The following PEX13 variants were observed in gnomAD, a reference collection of about 807,000 sequenced individuals.
PEX13 encodes the protein peroxisome biogenesis factor 13.
In PEX13, 28 loss-of-function variants were observed where a neutral mutation model predicts 34.5. The observed-to-expected ratio is 0.81, with a 90% CI of 0.60 to 1.11. PEX13 has a LOEUF of 1.11. PEX13 is among the 50% of genes most tolerant of loss of function. The pLI, the probability that PEX13 is intolerant of heterozygous loss-of-function variation, is 0.00. For missense variants in PEX13, 550 were observed against 491.0 expected (o/e 1.12, Z -1.13); for synonymous variants, 177 against 175.1 (o/e 1.01, Z -0.09).
chr2:61,030,840 A>T (rs1559034641), intron 1 of PEX13, among the ~76,000 whole-genome samples: 1 of 152,050 alleles, frequency 6.6e-6, no homozygotes, highest in African/African-American at 2.4e-5. Context: ...AGGTAGATTC[A>T]TGGTTGCCAA....
intron 1 of PEX13, among the ~76,000 whole-genome samples, chr2:61,020,188 T>G (rs1273994740): frequency 6.6e-6 from 1 of 152,326 alleles, no homozygotes; most frequent in Admixed American, 6.5e-5. Flanking sequence ...ATCACGCCAC[T>G]GCACTGCAGC....
Position 61,024,810 on chromosome 2 carries a change from GAACAAA to G in PEX13, c.93-6594_93-6589del, listed in dbSNP as rs1472744506. 6.6e-5 allele frequency among the ~76,000 whole-genome samples: 10 copies of G among 151,888 alleles called. No homozygotes were observed. In the South Asian group the frequency reaches 1.5e-3, roughly 22 times the overall value. ...GGCAACAGAGTGAGACTCCATCTAA[GAACAAA>G]AACAAAAACAAAAAAAACAGTCATT... On this transcript the variant is annotated intron_variant, in intron 1 of 3. Coordinates refer to ENST00000295030, the MANE Select transcript of PEX13 (RefSeq NM_002618.4).
intron 2 of PEX13, among the ~76,000 whole-genome samples, chr2:61,034,059 C>T (rs895969306): frequency 2.6e-5 from 4 of 152,020 alleles, no homozygotes; most frequent in Admixed American, 6.5e-5. Flanking sequence ...TGCAGTGGCG[C>T]GATCTCAGCT....
Position 61,023,402 on chromosome 2 carries a change from GACACACACACAC to G in PEX13, c.92+5567_92+5578del, listed in dbSNP as rs70959888. On this transcript the variant is annotated intron_variant, in intron 1 of 3. Transcript: ENST00000295030. Reference sequence around the variant, plus strand: ...TATTGTAACCAGGTAGGAATATACAGACACACACACACACACACACACACACATATTTTTTTT... The same window carrying G: ...TATTGTAACCAGGTAGGAATATACAGACACACACACACACATATTTTTTTT... 8.9e-5 allele frequency among the ~76,000 whole-genome samples: 13 copies of G among 146,782 alleles called. No individual in the cohort carries two copies. The East Asian group carries it at 9.9e-4, about 11-fold the overall frequency.
chr2:61,021,096 G>A (rs972555249), intron 1 of PEX13, among the ~76,000 whole-genome samples: 6 of 152,214 alleles, frequency 3.9e-5, no homozygotes, highest in Admixed American at 6.5e-5. Flanking sequence ...AGCTCCCAGC[G>A]TGATTGACGC....
chr2:61,037,283 A>G (rs1193444448), intron 2 of PEX13, among the ~76,000 whole-genome samples: 2 of 152,246 alleles, frequency 1.3e-5, no homozygotes, highest in Non-Finnish European at 2.9e-5. Context: ...ATAGACGTCT[A>G]CAGAACTCTA....
intron 3 of PEX13, 74 bp downstream of exon 3, chr2:61,045,925 A>G (rs936081312): frequency 1.6e-6 from 2 of 1,222,156 alleles, no homozygotes; most frequent in African/African-American, 3.0e-5. Flanking sequence ...AAACTACAAC[A>G]AAGGATCTTG....
At chr2:61,044,884 T>G (rs995233327) in intron 2 of PEX13, among the ~76,000 whole-genome samples, 2 of 152,226 alleles carry the variant, frequency 1.3e-5, no homozygotes, top group Admixed American at 1.3e-4. Context: ...AGCAGATACA[T>G]TTTCCAAGCT....
chr2:61,048,769 GA>G lies in PEX13; in HGVS notation c.1212del (p.Ter404CysfsTer25). ...IGKDGEKQDL* is the reference protein window; with the variant it reads ...IGKDGEKQDLX ...AAAGATGGAGAAAAGCAAGATCTTT[GA>G]TATCTTTCATGTTTGCCTGCAGTTG... On this transcript the variant is annotated frameshift_variant and stop_lost, in exon 4 of 4. Transcript: ENST00000295030. LOFTEE classifies it high-confidence loss of function. The G allele has an allele frequency of 6.2e-7, 1 of 1,610,908 alleles. No individual in the cohort carries two copies. Among genetic ancestry groups the G allele is most frequent in the Non-Finnish European group, 8.5e-7 (1 of 1,177,134 alleles).
At chr2:61,046,946 G>A (rs1217015066) in intron 3 of PEX13, among the ~76,000 whole-genome samples, 1 of 151,976 alleles carries the variant, frequency 6.6e-6, no homozygotes, top group African/African-American at 2.4e-5. Flanking sequence ...AGACTTAAGC[G>A]AGGTGCAGTG....
At chr2:61,030,918 G>A (rs888631449) in intron 1 of PEX13, among the ~76,000 whole-genome samples, 5 of 152,090 alleles carry the variant, frequency 3.3e-5, no homozygotes, top group African/African-American at 1.2e-4. Flanking sequence ...CTTTTTTGAG[G>A]TGATGAAAAT....
intron 1 of PEX13, 152 bp from the exon 2 acceptor site, chr2:61,031,267 G>A (rs1214603004): frequency 1.4e-6 from 1 of 697,346 alleles, no homozygotes; most frequent in South Asian, 1.6e-5. Context: ...ACTCCAGCTT[G>A]GGCAACAGAG....
intron 1 of PEX13, among the ~76,000 whole-genome samples, chr2:61,021,541 T>C (rs1680263895): frequency 6.6e-6 from 1 of 152,218 alleles, no homozygotes; most frequent in Non-Finnish European, 1.5e-5. Flanking sequence ...AGGAGCCCAC[T>C]GCAGCTCAGC....
intron 1 of PEX13, among the ~76,000 whole-genome samples, chr2:61,028,829 T>A (rs1680402575): frequency 6.6e-6 from 1 of 152,192 alleles, no homozygotes; most frequent in South Asian, 2.1e-4. Flanking sequence ...TGAATTTTTG[T>A]TCAAAAAAAT....
chr2:61,033,636 G>C (rs897470429), intron 2 of PEX13, among the ~76,000 whole-genome samples: 6 of 152,246 alleles, frequency 3.9e-5, no homozygotes, highest in African/African-American at 1.4e-4. Flanking sequence ...AACAAAACTG[G>C]GAAGAATTTT....
Position 61,025,358 on chromosome 2 carries a change from CATTATTATTATT to C in PEX13, c.93-6053_93-6042del, listed in dbSNP as rs553600004. Among the ~76,000 whole-genome samples, 220 of 143,390 alleles carry C rather than the reference CATTATTATTATT, an allele frequency of 1.5e-3. 1 individual carries two copies. The highest frequency in any genetic ancestry group is 2.6e-3 in the Non-Finnish European group (168 of 65,810). The allele number at this position is 143,390 out of a possible 152,430, so 94.1% of individuals were successfully genotyped here. A position where few individuals can be genotyped will look rare whatever the true frequency, so the allele number is the denominator to read the frequency against. The stretch of plus-strand genomic sequence containing the variant: ...GCCCTATCATTATTATTATTATTAT[CATTATTATTATT>C]ATTATTAAGACAGAGTCTTGCTCTG... On this transcript the variant is annotated intron_variant, in intron 1 of 3. Coordinates refer to ENST00000295030, the MANE Select transcript of PEX13 (RefSeq NM_002618.4).
At position 61,048,929 on chromosome 2, in the gene PEX13, G is replaced by A; in HGVS notation, c.*159G>A. On this transcript the variant is annotated 3_prime_UTR_variant, in exon 4 of 4. Coordinates refer to ENST00000295030, the MANE Select transcript of PEX13 (RefSeq NM_002618.4). ...TATTAAAGTTACACACTAGTATGTT[G>A]GTCTGGTGACCTGGTTACATTTTAT... 1.5e-6 allele frequency: 1 copy of A among 649,446 alleles called. No individual in the cohort carries two copies. The highest frequency in any genetic ancestry group is 2.7e-6 in the Non-Finnish European group (1 of 375,256). 40.2% of individuals were successfully genotyped at this position (649,446 alleles called of 1,614,324 possible).
intron 1 of PEX13, chr2:61,018,121 G>T: frequency 6.5e-7 from 1 of 1,547,628 alleles, no homozygotes; most frequent in Non-Finnish European, 8.7e-7. Flanking sequence ...AAAGAAAGGG[G>T]GGCGGCTTCC....
At chr2:61,026,854 T>C (rs1573550607) in intron 1 of PEX13, among the ~76,000 whole-genome samples, 1 of 152,296 alleles carries the variant, frequency 6.6e-6, no homozygotes, top group East Asian at 1.9e-4. Context: ...TGTTTCTTAG[T>C]GTTTTTATTT....
Sources: allele counts gnomAD v4.1 joint callset (sites outside exome capture counted in the v4.1 genomes callset), GRCh38; gene constraint gnomAD v4.1.1; transcripts MANE v1.5; gene names NCBI Gene and HGNC (gene_info 2026-07-23, HGNC 2026-07-21).